The following GALNT1 variants were observed in gnomAD, a reference collection of about 807,000 sequenced individuals.
The protein encoded by GALNT1 is GalNAc transferase 1.
In GALNT1, 17 loss-of-function variants were observed where a neutral mutation model predicts 65.7. The ratio of observed to expected loss-of-function variants is 0.26; its 90% confidence interval spans 0.18 to 0.39. The LOEUF (loss-of-function observed/expected upper bound fraction) is 0.39. Among genes scored for constraint, GALNT1 ranks in the 10% least tolerant of loss-of-function variants. The probability of loss-of-function intolerance (pLI) is 1.00; values close to 1 mark genes in which losing one functional copy is unlikely to be tolerated. For synonymous variants in GALNT1, 210 were observed against 219.7 expected, an observed-to-expected ratio of 0.96 and a Z score of 0.39; for missense variants, 460 against 672.8, an observed-to-expected ratio of 0.68 and a Z score of 3.50.
chr18:35,588,254 A>G (rs1034987781), intron 1 of GALNT1, among the ~76,000 whole-genome samples: 3 of 152,154 alleles, frequency 2.0e-5, no homozygotes, highest in African/African-American at 7.2e-5. Flanking sequence ...TGAAAAAATT[A>G]TACCACTTTC....
chr18:35,619,483 C>T (rs954910636), intron 1 of GALNT1, among the ~76,000 whole-genome samples: 2 of 151,890 alleles, frequency 1.3e-5, no homozygotes, highest in African/African-American at 2.4e-5. Flanking sequence ...CACAGATGAT[C>T]CAGTTATACA....
intron 11 of GALNT1, among the ~76,000 whole-genome samples, chr18:35,709,119 C>T (rs2048313322): frequency 6.6e-6 from 1 of 152,154 alleles, no homozygotes. Context: ...TCAGAAAGAC[C>T]TGAGTTTCTA....
chr18:35,581,550 C>G (rs1191908547), upstream of GALNT1, among the ~76,000 whole-genome samples: 6 of 8,312 alleles, frequency 7.2e-4, no homozygotes, highest in African/African-American at 3.0e-3. Context: ...CCCTGCGGCG[C>G]CCGCCGCGCG....
intron 1 of GALNT1, among the ~76,000 whole-genome samples, chr18:35,639,648 T>C (rs986820426): frequency 6.6e-6 from 1 of 152,216 alleles, no homozygotes; most frequent in Non-Finnish European, 1.5e-5. Flanking sequence ...TGATATCATT[T>C]TGAGAAACAT....
chr18:35,583,255 C>G (rs1409115624), intron 1 of GALNT1, among the ~76,000 whole-genome samples: 1 of 152,142 alleles, frequency 6.6e-6, no homozygotes, highest in African/African-American at 2.4e-5. Context: ...AATGTGAAGC[C>G]CCGCTGCACA....
intron 1 of GALNT1, among the ~76,000 whole-genome samples, chr18:35,620,727 T>C (rs2046839989): frequency 6.6e-6 from 1 of 152,248 alleles, no homozygotes; most frequent in Non-Finnish European, 1.5e-5. Context: ...TTTATTCGTT[T>C]TTCCTGCTAT....
chr18:35,623,261 TGTC>T (rs1340679698), intron 1 of GALNT1, among the ~76,000 whole-genome samples: 9 of 152,292 alleles, frequency 5.9e-5, no homozygotes, highest in African/African-American at 2.2e-4. Flanking sequence ...TACTTGAAAA[TGTC>T]TTTGTTACAT....
At chr18:35,581,473 G>C (rs1333932174), upstream of GALNT1, among the ~76,000 whole-genome samples, 2 of 145,798 alleles carry the variant, frequency 1.4e-5, no homozygotes, top group East Asian at 2.0e-4. Flanking sequence ...GCAGCCGCAC[G>C]GGCCGCCGCC....
chr18:35,597,728 T>G (rs1848435549), intron 1 of GALNT1: 1 of 152,254 alleles, frequency 6.6e-6, no homozygotes, highest in South Asian at 2.1e-4. Flanking sequence ...TGAATTTGGA[T>G]TCATCGGTCG....
At chr18:35,687,909 G>A (rs1044774638) in intron 6 of GALNT1, among the ~76,000 whole-genome samples, 7 of 152,132 alleles carry the variant, frequency 4.6e-5, no homozygotes, top group African/African-American at 1.7e-4. Context: ...GGCCTCCTGC[G>A]TCTGCCTTCC....
At chr18:35,642,618 TA>T (rs1250779716) in intron 1 of GALNT1, among the ~76,000 whole-genome samples, 3 of 152,186 alleles carry the variant, frequency 2.0e-5, no homozygotes, top group Non-Finnish European at 4.4e-5. Flanking sequence ...TTTGATATTT[TA>T]TAAGTTTTTG....
At chr18:35,703,446 T>A in intron 10 of GALNT1, 63 bp from the exon 11 acceptor site, 1 of 1,446,762 alleles carries the variant, frequency 6.9e-7, no homozygotes. Context: ...GACAGCTAAT[T>A]GGGCATTTAA....
chr18:35,658,709 CT>C (rs112714564), intron 2 of GALNT1, among the ~76,000 whole-genome samples: 1,679 of 137,520 alleles, frequency 0.012, 19 homozygotes, highest in African/African-American at 0.025. Context: ...CAAAGTTTCT[CT>C]TTTTTTTTTT....
At chr18:35,633,243 A>G (rs1246325502) in intron 1 of GALNT1, among the ~76,000 whole-genome samples, 1 of 152,212 alleles carries the variant, frequency 6.6e-6, no homozygotes, top group African/African-American at 2.4e-5. Flanking sequence ...ACACATGCAC[A>G]CATATGTTTA....
intron 1 of GALNT1, among the ~76,000 whole-genome samples, chr18:35,644,712 C>T (rs893480517): frequency 6.6e-6 from 1 of 152,094 alleles, no homozygotes; most frequent in African/African-American, 2.4e-5. Flanking sequence ...CAGTCCAGGC[C>T]AGGCGTGGTG....
At chr18:35,668,268 T>TA (rs1598800450) in intron 3 of GALNT1, among the ~76,000 whole-genome samples, 1 of 151,988 alleles carries the variant, frequency 6.6e-6, no homozygotes, top group Middle Eastern at 3.4e-3. Context: ...AAAAAATGAT[T>TA]AAAAAATGAT....
intron 1 of GALNT1, among the ~76,000 whole-genome samples, chr18:35,586,704 C>T (rs1338493147): frequency 6.6e-6 from 1 of 152,144 alleles, no homozygotes; most frequent in Non-Finnish European, 1.5e-5. Flanking sequence ...CGTTGAATTG[C>T]CTTTGTATCT....
chr18:35,598,590 AT>A (rs773073942), intron 1 of GALNT1, among the ~76,000 whole-genome samples: 1 of 152,176 alleles, frequency 6.6e-6, no homozygotes, highest in Admixed American at 6.5e-5. Flanking sequence ...ATAATATTCC[AT>A]TCTATCTATG....
chr18:35,606,285 A>G (rs980518405), intron 1 of GALNT1, among the ~76,000 whole-genome samples: 22 of 152,186 alleles, frequency 1.4e-4, no homozygotes, highest in African/African-American at 4.8e-4. Flanking sequence ...CTATATTTCT[A>G]GGGGATGGAA....
Sources: allele counts gnomAD v4.1 joint callset (sites outside exome capture counted in the v4.1 genomes callset), GRCh38; gene constraint gnomAD v4.1.1; transcripts MANE v1.5; gene names NCBI Gene and HGNC (gene_info 2026-07-23, HGNC 2026-07-21).